LPP: variants seen among roughly 807,000 people sequenced by gnomAD.
LPP encodes LIM domain containing preferred translocation partner in lipoma, also known as lipoma-preferred partner.
LPP carries 38 observed loss-of-function variants against 60.4 expected under a neutral mutation model. The observed-to-expected ratio is 0.63, with a 90% CI of 0.49 to 0.83. LPP has a LOEUF of 0.83. LPP is among the 40% of genes least tolerant of loss of function. LPP has a pLI of 0.00. For synonymous variants in LPP, 328 were observed against 290.8 expected, an observed-to-expected ratio of 1.13 and a Z score of -1.30; for missense variants, 902 against 783.6, an observed-to-expected ratio of 1.15 and a Z score of -1.80.
At chr3:188,227,688 T>G (rs1247083333) in intron 2 of LPP, among the ~76,000 whole-genome samples, 2 of 152,136 alleles carry the variant, frequency 1.3e-5, no homozygotes, top group Non-Finnish European at 2.9e-5. Context: ...CTGCCCTTTT[T>G]TGTGCCTGGG....
rs994826397 is a variant in LPP, at chr3:188,773,141, A to G, written c.1410+12859A>G. ...TGAGTGGAAGTTCTCTGATATTCCA[A>G]TGACTTTGAATGGGACACGGTAATT... On this transcript the variant is annotated intron_variant, in intron 9 of 11. Transcript: ENST00000617246. Among the ~76,000 whole-genome samples the G allele has an allele frequency of 3.9e-4, 59 of 152,150 alleles. 2 individuals are homozygous for G. The highest frequency in any genetic ancestry group is 1.6e-4 in the Non-Finnish European group (11 of 68,032).
intron 3 of LPP, among the ~76,000 whole-genome samples, chr3:188,356,989 T>C (rs16863233): frequency 0.046 from 7,019 of 152,292 alleles, 262 homozygotes; most frequent in East Asian, 0.21. Context: ...GAACTTTTCA[T>C]TCCATTGCTT....
At chr3:188,822,516 A>G (rs1246340833) in intron 9 of LPP, among the ~76,000 whole-genome samples, 1 of 152,206 alleles carries the variant, frequency 6.6e-6, no homozygotes, top group Non-Finnish European at 1.5e-5. Flanking sequence ...TCTCTGTCAC[A>G]CTTTGGGGAA....
At chr3:188,419,256 C>G (rs1787147113) in intron 4 of LPP, among the ~76,000 whole-genome samples, 1 of 152,136 alleles carries the variant, frequency 6.6e-6, no homozygotes. Flanking sequence ...CTGTAGTGGA[C>G]AGGAAAAAGT....
chr3:188,694,618 C>G (rs1365433454), intron 7 of LPP, among the ~76,000 whole-genome samples: 2 of 151,834 alleles, frequency 1.3e-5, no homozygotes, highest in African/African-American at 4.8e-5. Context: ...AGGAGAATCA[C>G]TTGAACCCGG....
intron 9 of LPP, among the ~76,000 whole-genome samples, chr3:188,797,964 T>C (rs2151107389): frequency 6.6e-6 from 1 of 152,294 alleles, no homozygotes; most frequent in African/African-American, 2.4e-5. Context: ...TCTTTACAAC[T>C]CTGAACCTTC....
At chr3:188,790,938 A>AC (rs1269003574) in intron 9 of LPP, among the ~76,000 whole-genome samples, 1 of 152,028 alleles carries the variant, frequency 6.6e-6, no homozygotes, top group Non-Finnish European at 1.5e-5. Context: ...GTCTTCAAAA[A>AC]AAAAAAAACG....
chr3:188,160,524 T>C (rs922379233), intron 1 of LPP, among the ~76,000 whole-genome samples: 1 of 152,242 alleles, frequency 6.6e-6, no homozygotes, highest in East Asian at 1.9e-4. Flanking sequence ...CCTTTTCTTA[T>C]GCTGTTTTCT....
intron 8 of LPP, among the ~76,000 whole-genome samples, chr3:188,755,727 T>C (rs1729920832): frequency 6.8e-6 from 1 of 147,154 alleles, no homozygotes; most frequent in East Asian, 2.0e-4. Flanking sequence ...GGAGGATCAC[T>C]TGAGCCCAGG....
intron 6 of LPP, among the ~76,000 whole-genome samples, chr3:188,558,524 A>C (rs1054017484): frequency 1.3e-5 from 2 of 152,012 alleles, no homozygotes; most frequent in African/African-American, 2.4e-5. Flanking sequence ...GAAAATTGTG[A>C]ATTGTAGGAA....
intron 4 of LPP, among the ~76,000 whole-genome samples, chr3:188,447,588 C>T (rs996740154): frequency 4.0e-4 from 51 of 127,774 alleles, no homozygotes; most frequent in African/African-American, 1.3e-3. Flanking sequence ...CCAGCCTGGG[C>T]GACAGAGTGA....
At chr3:188,827,734 A>G (rs1480681281) in intron 9 of LPP, among the ~76,000 whole-genome samples, 1 of 152,136 alleles carries the variant, frequency 6.6e-6, no homozygotes, top group Non-Finnish European at 1.5e-5. Context: ...CCAGCATGTA[A>G]CAGCATTATG....
At chr3:188,332,312 A>G (rs549498553) in intron 2 of LPP, among the ~76,000 whole-genome samples, 8 of 152,292 alleles carry the variant, frequency 5.3e-5, no homozygotes, top group African/African-American at 1.4e-4. Context: ...GTTAATGATG[A>G]CTGGCTCATT....
In LPP at chr3:188,378,272, G is replaced by A. The variant is rs60957805; in HGVS notation, c.-9-27840G>A. On this transcript the variant is annotated intron_variant, in intron 3 of 11. Transcript: ENST00000617246. ...ATGTAAGTCTGCAGAGGTTACTGCTGTCTTTTTGTTTGTCTGTGCCCTGCC... is the reference window on the plus strand; with the variant it reads ...ATGTAAGTCTGCAGAGGTTACTGCTATCTTTTTGTTTGTCTGTGCCCTGCC... Among the ~76,000 whole-genome samples, 528 of 152,338 alleles carry A rather than the reference G, an allele frequency of 3.5e-3. 5 individuals are homozygous for A. The highest frequency in any genetic ancestry group is 0.012 in the African/African-American group (482 of 41,590).
intron 7 of LPP, among the ~76,000 whole-genome samples, chr3:188,621,782 C>T (rs1333733895): frequency 6.6e-6 from 1 of 152,084 alleles, no homozygotes; most frequent in African/African-American, 2.4e-5. Context: ...GCCTCAGCCT[C>T]CTGAGTAGCT....
chr3:188,400,907 A>C (rs1424605140), intron 3 of LPP, among the ~76,000 whole-genome samples: 3 of 152,222 alleles, frequency 2.0e-5, no homozygotes. Context: ...AAGAGCCCCA[A>C]TGATATGTGC....
intron 8 of LPP, among the ~76,000 whole-genome samples, chr3:188,758,072 G>A (rs1452282024): frequency 1.3e-5 from 2 of 151,978 alleles, no homozygotes; most frequent in African/African-American, 4.8e-5. Flanking sequence ...TTCATCAAAT[G>A]TCAAGACTGT....
Position 188,496,586 on chromosome 3 carries a change from A to G in LPP, c.306+11882A>G, listed in dbSNP as rs371027387. Among the ~76,000 whole-genome samples the G allele has an allele frequency of 7.0e-4, 106 of 152,260 alleles. 4 individuals are homozygous for G. The South Asian group carries it at 0.021, about 30-fold the overall frequency. On this transcript the variant is annotated intron_variant, in intron 5 of 11. Transcript: ENST00000617246. ...AGCATTCCAGGTTTCCATGGCATTA[A>G]CTGTCCCAGGCAGGGATGAAGCTCT... is the stretch of plus-strand genomic sequence containing the variant.
At chr3:188,548,588 G>A (rs1827267534) in intron 6 of LPP, among the ~76,000 whole-genome samples, 1 of 152,082 alleles carries the variant, frequency 6.6e-6, no homozygotes, top group South Asian at 2.1e-4. Context: ...TAGACTTCCT[G>A]CCTTCTTTTG....
Sources: allele counts gnomAD v4.1 joint callset (sites outside exome capture counted in the v4.1 genomes callset), GRCh38; gene constraint gnomAD v4.1.1; transcripts MANE v1.5; gene names NCBI Gene and HGNC (gene_info 2026-07-23, HGNC 2026-07-21).